ADAMTSL1: variants seen among roughly 807,000 people sequenced by gnomAD.
ADAMTSL1 encodes ADAMTS like 1, also known as ADAMTS-like protein 1.
A neutral mutation model predicts 201.8 loss-of-function variants in ADAMTSL1; 126 were observed. The observed-to-expected ratio is 0.62, with a 90% confidence interval of 0.54 to 0.72. The LOEUF is 0.72. Among genes scored for constraint, ADAMTSL1 ranks in the 30% least tolerant of loss-of-function variants. The pLI is 0.00. For synonymous variants in ADAMTSL1, 1,121 were observed against 903.4 expected, an observed-to-expected ratio of 1.24 and a Z score of -4.32; for missense variants, 2,679 against 2,277.8, an observed-to-expected ratio of 1.18 and a Z score of -3.59.
At chr9:18,667,962 C>T (rs1829561552) in intron 9 of ADAMTSL1, among the ~76,000 whole-genome samples, 1 of 151,944 alleles carries the variant, frequency 6.6e-6, no homozygotes, top group Non-Finnish European at 1.5e-5. Context: ...TCACAAGTGT[C>T]TGATAACCTC....
chr9:18,657,062 C>T (rs956797163), intron 7 of ADAMTSL1, among the ~76,000 whole-genome samples: 3 of 152,180 alleles, frequency 2.0e-5, no homozygotes, highest in East Asian at 1.9e-4. Flanking sequence ...AAACCATCAA[C>T]ATTTGAATTA....
intron 13 of ADAMTSL1, among the ~76,000 whole-genome samples, chr9:18,701,463 G>A (rs553978560): frequency 1.1e-4 from 17 of 151,992 alleles, no homozygotes; most frequent in East Asian, 1.9e-4. Context: ...CAGGCGATCC[G>A]CCCACCTCAG....
intron 1 of ADAMTSL1, among the ~76,000 whole-genome samples, chr9:17,934,249 G>T (rs1266521100): frequency 6.6e-6 from 1 of 152,076 alleles, no homozygotes; most frequent in Non-Finnish European, 1.5e-5. Context: ...CATAAACTCA[G>T]CTTCTGGCAT....
At chr9:18,356,906 C>G (rs529464608) in intron 2 of ADAMTSL1, among the ~76,000 whole-genome samples, 1 of 152,164 alleles carries the variant, frequency 6.6e-6, no homozygotes, top group Non-Finnish European at 1.5e-5. Context: ...TGAGATCTAT[C>G]TATGCTGAGT....
intron 2 of ADAMTSL1, among the ~76,000 whole-genome samples, chr9:18,466,453 G>T (rs79438509): frequency 0.078 from 11,924 of 152,106 alleles, 627 homozygotes; most frequent in Non-Finnish European, 0.12. Flanking sequence ...TAGGAAAGAT[G>T]AAATACCCGG....
At chr9:18,147,541 C>A (rs1826698196) in intron 1 of ADAMTSL1, among the ~76,000 whole-genome samples, 1 of 152,106 alleles carries the variant, frequency 6.6e-6, no homozygotes. Flanking sequence ...CTCTTCCTAT[C>A]TGCTCTTTAC....
intron 2 of ADAMTSL1, chr9:18,362,294 T>A (rs144284117): frequency 7.9e-5 from 12 of 152,364 alleles, no homozygotes; most frequent in African/African-American, 2.9e-4. Flanking sequence ...ATGAAGTGCC[T>A]AATATGTTGG....
At chr9:18,071,731 GA>G (rs1358045499) in intron 1 of ADAMTSL1, among the ~76,000 whole-genome samples, 1 of 152,216 alleles carries the variant, frequency 6.6e-6, no homozygotes, top group Non-Finnish European at 1.5e-5. Context: ...GAAAGTAGGA[GA>G]TAAGTGCTGA....
chr9:18,834,444 A>G (rs1209522850), intron 23 of ADAMTSL1, among the ~76,000 whole-genome samples: 1 of 152,108 alleles, frequency 6.6e-6, no homozygotes, highest in Admixed American at 6.6e-5. Context: ...ACTTCTTTAT[A>G]CGTTTGACCC....
chr9:18,521,809 A>C (rs565247503), intron 2 of ADAMTSL1, among the ~76,000 whole-genome samples: 6 of 152,358 alleles, frequency 3.9e-5, no homozygotes, highest in African/African-American at 1.4e-4. Context: ...ATAGAATGAC[A>C]TTTTTAAGTA....
At chr9:18,486,374 CA>C (rs1821995170) in intron 1 of ADAMTSL1, among the ~76,000 whole-genome samples, 1 of 152,196 alleles carries the variant, frequency 6.6e-6, no homozygotes, top group Non-Finnish European at 1.5e-5. Flanking sequence ...TATTCACTCT[CA>C]GCGAGCTTTT....
In ADAMTSL1 at chr9:18,863,467, T is replaced by G. The variant is rs114590481; in HGVS notation, c.4250-24364T>G. On this transcript the variant is annotated intron_variant, in intron 23 of 28. Transcript: ENST00000380548. ...TTTTCCAGGAATGTCTTAAAGTTAGTTTTCTTTGGGAAAATGTACATGGGA... is the reference window on the plus strand; with the variant it reads ...TTTTCCAGGAATGTCTTAAAGTTAGGTTTCTTTGGGAAAATGTACATGGGA... Among the ~76,000 whole-genome samples the G allele has an allele frequency of 6.4e-3, 978 of 152,244 alleles. 12 individuals carry two copies. The highest frequency in any genetic ancestry group is 0.023 in the African/African-American group (941 of 41,536).
Position 18,657,749 on chromosome 9 carries a change from A to T in ADAMTSL1, c.945A>T (p.Gly315=). The T allele has an allele frequency of 1.2e-6, 2 of 1,610,890 alleles. No individual in the cohort carries two copies. The highest frequency in any genetic ancestry group is 1.7e-6 in the Non-Finnish European group (2 of 1,177,072). Residue 315 remains glycine (G), a splice_region_variant and synonymous_variant, in exon 8 of 29, where the codon GGA becomes GGT. Transcript: ENST00000380548. ...DFFPCSATCG[G]GYQLTSAECY... ...TTCCTTGCTCAGCAACCTGTGGAGG[A>T]GGTAATGGTGTTCACTTAGTCTAAA... is the stretch of plus-strand genomic sequence containing the variant.
chr9:18,417,272 T>A (rs1818718040), intron 2 of ADAMTSL1, among the ~76,000 whole-genome samples: 1 of 150,346 alleles, frequency 6.7e-6, no homozygotes, highest in Non-Finnish European at 1.5e-5. Context: ...TAAATTTCTG[T>A]TAGTAAAGAA....
At chr9:18,772,645 A>C (rs1479776610) in intron 17 of ADAMTSL1, among the ~76,000 whole-genome samples, 1 of 152,236 alleles carries the variant, frequency 6.6e-6, no homozygotes, top group Non-Finnish European at 1.5e-5. Context: ...TGGGAGGATG[A>C]AATTAAATAT....
At chr9:18,233,795 A>C (rs563640528) in intron 2 of ADAMTSL1, among the ~76,000 whole-genome samples, 12 of 152,322 alleles carry the variant, frequency 7.9e-5, no homozygotes, top group Middle Eastern at 3.4e-3. Context: ...TTTCTTCTAC[A>C]GAAATGACTT....
intron 1 of ADAMTSL1, among the ~76,000 whole-genome samples, chr9:18,096,123 G>GT (rs1824241922): frequency 6.6e-6 from 1 of 152,036 alleles, no homozygotes; most frequent in Admixed American, 6.6e-5. Flanking sequence ...AACAATACTA[G>GT]TATTACCACT....
chr9:18,448,865 T>C (rs923976660), intron 2 of ADAMTSL1, among the ~76,000 whole-genome samples: 3 of 152,164 alleles, frequency 2.0e-5, no homozygotes, highest in African/African-American at 7.2e-5. Context: ...AAATGCTCTA[T>C]GGTTACAAGG....
chr9:18,753,754 C>A (rs1212006944), intron 16 of ADAMTSL1, among the ~76,000 whole-genome samples: 1 of 152,146 alleles, frequency 6.6e-6, no homozygotes. Context: ...CATCTGTTAA[C>A]CTGAGCATAT....
Sources: allele counts gnomAD v4.1 joint callset (sites outside exome capture counted in the v4.1 genomes callset), GRCh38; gene constraint gnomAD v4.1.1; transcripts MANE v1.5; gene names NCBI Gene and HGNC (gene_info 2026-07-23, HGNC 2026-07-21).